Variants in CSMD3 observed in about 807,000 individuals in gnomAD.
CSMD3 encodes CUB and Sushi multiple domains 3.
Under a neutral mutation model 435.2 loss-of-function variants are expected in CSMD3, and 177 were observed. The observed-to-expected ratio is 0.41, with a 90% CI of 0.36 to 0.46. CSMD3 has a LOEUF of 0.46. CSMD3 is among the 20% of genes least tolerant of loss of function. The pLI, the probability that CSMD3 is intolerant of heterozygous loss-of-function variation, is 0.34. For missense variants in CSMD3, 4,265 were observed against 4,504.6 expected, an observed-to-expected ratio of 0.95 and a Z score of 1.52; for synonymous variants, 1,656 against 1,520.5, an observed-to-expected ratio of 1.09 and a Z score of -2.07.
chr8:113,357,514 A>G (rs2054453), intron 1 of CSMD3, among the ~76,000 whole-genome samples: 43,260 of 152,118 alleles, frequency 0.28, 7,178 homozygotes, highest in East Asian at 0.69. Flanking sequence ...TTAAAAATGA[A>G]AGAAGTATAA....
chr8:113,323,231 G>A (rs1482989353), intron 1 of CSMD3, among the ~76,000 whole-genome samples: 1 of 152,074 alleles, frequency 6.6e-6, no homozygotes. Context: ...TTGAGGCCTT[G>A]CCTGTATTAT....
At chr8:112,397,408 T>A (rs894238983) in intron 35 of CSMD3, among the ~76,000 whole-genome samples, 1 of 152,186 alleles carries the variant, frequency 6.6e-6, no homozygotes, top group Non-Finnish European at 1.5e-5. Flanking sequence ...CATGTGATCT[T>A]GGCAGAAAAT....
intron 13 of CSMD3, among the ~76,000 whole-genome samples, chr8:112,699,400 C>T (rs192055041): frequency 6.6e-6 from 1 of 152,044 alleles, no homozygotes; most frequent in Non-Finnish European, 1.5e-5. Context: ...TCGGCAAGAC[C>T]TAGAACCCAC....
intron 3 of CSMD3, among the ~76,000 whole-genome samples, chr8:113,197,453 G>T: frequency 6.6e-6 from 1 of 151,140 alleles, no homozygotes; most frequent in East Asian, 1.9e-4. Context: ...ATCAACAAAT[G>T]CAGGGGATAA....
chr8:113,217,699 G>A (rs2092921004), intron 3 of CSMD3, among the ~76,000 whole-genome samples: 1 of 151,380 alleles, frequency 6.6e-6, no homozygotes, highest in Non-Finnish European at 1.5e-5. Flanking sequence ...AATTAGCAAA[G>A]GCTTAGTGAT....
At chr8:112,889,691 A>T in intron 10 of CSMD3, among the ~76,000 whole-genome samples, 1 of 151,698 alleles carries the variant, frequency 6.6e-6, no homozygotes, top group East Asian at 1.9e-4. Flanking sequence ...GTGAAACAGA[A>T]AAGTTGGGAT....
chr8:113,424,684 A>C (rs1533274), intron 1 of CSMD3, among the ~76,000 whole-genome samples: 37,988 of 151,332 alleles, frequency 0.25, 5,523 homozygotes, highest in East Asian at 0.47. Flanking sequence ...CTTCATTAAT[A>C]CTGGATAAAC....
chr8:113,007,923 T>C (rs1379406034), intron 6 of CSMD3, among the ~76,000 whole-genome samples: 1 of 151,858 alleles, frequency 6.6e-6, no homozygotes, highest in East Asian at 1.9e-4. Flanking sequence ...TAGATAGTAT[T>C]AGAGGACACT....
intron 4 of CSMD3, among the ~76,000 whole-genome samples, chr8:113,132,313 G>A (rs1380619414): frequency 1.3e-5 from 2 of 152,066 alleles, no homozygotes; most frequent in Non-Finnish European, 2.9e-5. Flanking sequence ...GATTCGGGAG[G>A]GACCAGGGTT....
At chr8:112,923,879 C>T (rs1366881140) in intron 9 of CSMD3, among the ~76,000 whole-genome samples, 1 of 152,102 alleles carries the variant, frequency 6.6e-6, no homozygotes, top group Non-Finnish European at 1.5e-5. Context: ...ATCCCTATAA[C>T]TGGAAAAATA....
intron 13 of CSMD3, among the ~76,000 whole-genome samples, chr8:112,753,766 A>G (rs1215791192): frequency 6.6e-6 from 1 of 152,212 alleles, no homozygotes; most frequent in Non-Finnish European, 1.5e-5. Context: ...TTATGTAGTA[A>G]CAGCAAAGAG....
intron 10 of CSMD3, among the ~76,000 whole-genome samples, chr8:112,866,273 C>T (rs764953675): frequency 3.9e-5 from 6 of 152,094 alleles, no homozygotes; most frequent in Non-Finnish European, 8.8e-5. Context: ...ATTCAAATCA[C>T]CTAGATCTCA....
At chr8:112,593,417 G>T (rs914387070) in intron 22 of CSMD3, among the ~76,000 whole-genome samples, 1 of 152,180 alleles carries the variant, frequency 6.6e-6, no homozygotes, top group Non-Finnish European at 1.5e-5. Flanking sequence ...AGTTCGATGT[G>T]GGGGCATGAA....
At chr8:112,984,984 TGATA>T (rs1400899030) in intron 6 of CSMD3, among the ~76,000 whole-genome samples, 3 of 128,838 alleles carry the variant, frequency 2.3e-5, no homozygotes, top group Non-Finnish European at 5.0e-5. Context: ...TTTAGATACA[TGATA>T]GATTATGATA....
intron 1 of CSMD3, among the ~76,000 whole-genome samples, chr8:113,317,870 T>C (rs1015520629): frequency 6.6e-6 from 1 of 152,184 alleles, no homozygotes; most frequent in Non-Finnish European, 1.5e-5. Flanking sequence ...AAAAAATCAC[T>C]GGCATTCTTC....
intron 22 of CSMD3, among the ~76,000 whole-genome samples, chr8:112,594,045 C>G (rs964950291): frequency 2.6e-5 from 4 of 152,142 alleles, no homozygotes; most frequent in Non-Finnish European, 5.9e-5. Flanking sequence ...CAGCTCCGGT[C>G]TACAGCTCCC....
chr8:113,123,826 A>T (rs1361978082), intron 4 of CSMD3, among the ~76,000 whole-genome samples: 2 of 151,936 alleles, frequency 1.3e-5, no homozygotes, highest in African/African-American at 2.4e-5. Context: ...TTGAATTCAG[A>T]TCTGTCTCTT....
At chr8:113,177,749 T>C (rs956476920) in intron 3 of CSMD3, among the ~76,000 whole-genome samples, 1 of 152,008 alleles carries the variant, frequency 6.6e-6, no homozygotes, top group Non-Finnish European at 1.5e-5. Context: ...ACAAATTATT[T>C]AGTCTAATTA....
Position 112,555,186 on chromosome 8 carries a change from G to T in CSMD3, c.4234+1577C>A, listed in dbSNP as rs1054475392. Among the ~76,000 whole-genome samples the T allele has an allele frequency of 4.0e-5, 6 of 151,870 alleles. No individual in the cohort carries two copies. The Admixed American group carries it at 4.0e-4, about 10-fold the overall frequency. ...TTTTGAGTACTTGTAAACATAAAAT[G>T]CATTGATTTGCTGCGAACATAATTA... On this transcript the variant is annotated intron_variant, in intron 25 of 70. Transcript: ENST00000297405.
Sources: gnomAD v4.1 joint callset for allele counts (sites outside exome capture counted in the v4.1 genomes callset) on GRCh38, gnomAD v4.1.1 for gene constraint, MANE v1.5 for transcripts, NCBI Gene and HGNC (gene_info 2026-07-23, HGNC 2026-07-21) for gene names.